The following HLTF variants were observed in gnomAD, a reference collection of about 807,000 sequenced individuals.
The protein encoded by HLTF is helicase like transcription factor, also known as DNA-dependent ATPase/E3 ubiquitin-protein ligase HLTF.
In HLTF, 127 loss-of-function variants were observed where a neutral mutation model predicts 129.4. The ratio of observed to expected loss-of-function variants is 0.98; its 90% CI spans 0.85 to 1.14. The LOEUF (loss-of-function observed/expected upper bound fraction) is 1.14, where lower values mean the gene tolerates loss of function less well. HLTF is among the 50% of genes most tolerant of loss of function. HLTF has a pLI of 0.00. For synonymous variants in HLTF, 332 were observed against 388.8 expected (o/e 0.85, Z 1.72); for missense variants, 1,139 against 1,187.1 (o/e 0.96, Z 0.60).
chr3:149,068,635 T>C (rs1319164110), intron 7 of HLTF, among the ~76,000 whole-genome samples: 1 of 152,206 alleles, frequency 6.6e-6, no homozygotes, highest in Non-Finnish European at 1.5e-5. Flanking sequence ...TCTTGATTTT[T>C]ATCATGCAAC....
At chr3:149,065,291 G>A (rs1166861586) in intron 8 of HLTF, among the ~76,000 whole-genome samples, 3 of 151,934 alleles carry the variant, frequency 2.0e-5, no homozygotes, top group Non-Finnish European at 4.4e-5. Flanking sequence ...GAATTTGCAG[G>A]GCAAATAACT....
At position 149,031,429 on chromosome 3, in the gene HLTF, T is replaced by C. The variant is rs1411046222; in HGVS notation, c.*791A>G. The stretch of plus-strand genomic sequence containing the variant: ...TACATAAATAAAAATTATCTATTTA[T>C]AGAAATATCTATTTAGCAGTTCCAT... On this transcript the variant is annotated 3_prime_UTR_variant, in exon 25 of 25. Transcript: ENST00000310053. 6.6e-6 allele frequency: 1 copy of C among 152,618 alleles called. No individual in the cohort carries two copies. The highest frequency in any genetic ancestry group is 1.5e-5 in the Non-Finnish European group (1 of 68,018). The allele number at this position is 152,618 out of a possible 1,614,324, so 9.5% of individuals were successfully genotyped here.
chr3:149,084,983 G>A, intron 1 of HLTF, 94 bp from the exon 2 acceptor site: 1 of 831,468 alleles, frequency 1.2e-6, no homozygotes, highest in Non-Finnish European at 1.9e-6. Flanking sequence ...TTCAGCAAAT[G>A]AAATCTTACA....
At chr3:149,035,194 T>C in intron 23 of HLTF, among the ~76,000 whole-genome samples, 196 bp from the exon 24 acceptor site, 1 of 152,124 alleles carries the variant, frequency 6.6e-6, no homozygotes, top group Non-Finnish European at 1.5e-5. Context: ...ATCCTCCCCC[T>C]ACTACTACTT....
chr3:149,049,951 C>A (rs1047822291), intron 15 of HLTF, among the ~76,000 whole-genome samples: 4 of 151,172 alleles, frequency 2.6e-5, no homozygotes, highest in Non-Finnish European at 4.4e-5. Context: ...GAGATCACAC[C>A]ATTATATTCC....
At chr3:149,054,000 A>C (rs1231363307) in intron 14 of HLTF, among the ~76,000 whole-genome samples, 1 of 152,214 alleles carries the variant, frequency 6.6e-6, no homozygotes, top group Non-Finnish European at 1.5e-5. Flanking sequence ...TAAGAGGAAA[A>C]ATGATACACT....
intron 14 of HLTF, among the ~76,000 whole-genome samples, chr3:149,050,893 G>A (rs1716924483): frequency 6.6e-6 from 1 of 151,986 alleles, no homozygotes; most frequent in South Asian, 2.1e-4. Flanking sequence ...CTTTCTTGAG[G>A]ACATGATCAG....
chr3:149,036,893 C>T (rs976605402), intron 23 of HLTF, among the ~76,000 whole-genome samples: 1 of 152,210 alleles, frequency 6.6e-6, no homozygotes, highest in African/African-American at 2.4e-5. Flanking sequence ...GAACACTCAA[C>T]TTACTATAAA....
chr3:149,074,588 T>A (rs924464609), intron 3 of HLTF, among the ~76,000 whole-genome samples: 2 of 152,124 alleles, frequency 1.3e-5, no homozygotes, highest in African/African-American at 4.8e-5. Context: ...AAAGCAGTTT[T>A]AAAAATGCAA....
At position 149,032,083 on chromosome 3, in the gene HLTF, G is replaced by T; in HGVS notation, c.*137C>A. On this transcript the variant is annotated 3_prime_UTR_variant, in exon 25 of 25. Transcript: ENST00000310053. ...TTCATATATAGAAGAAATTGTGTCA[G>T]TAATACCTCTTCACTAATATAAAAT... 1.8e-6 allele frequency: 1 copy of T among 568,706 alleles called. No individual in the cohort carries two copies. Among genetic ancestry groups the T allele is most frequent in the Non-Finnish European group, 2.9e-6 (1 of 348,858 alleles). 35.2% of individuals were successfully genotyped at this position (568,706 alleles called of 1,614,324 possible).
chr3:149,042,947 C>G (rs1279774303), intron 18 of HLTF, among the ~76,000 whole-genome samples: 2 of 151,882 alleles, frequency 1.3e-5, no homozygotes, highest in African/African-American at 4.8e-5. Context: ...TCAAGATATT[C>G]AAATATAAGT....
chr3:149,059,868 G>GAGA, intron 12 of HLTF, 61 bp from the exon 13 acceptor site: 3 of 978,610 alleles, frequency 3.1e-6, no homozygotes, highest in Non-Finnish European at 4.8e-6. Flanking sequence ...TAGAGTACAG[G>GAGA]TACTTTCTAA....
intron 2 of HLTF, among the ~76,000 whole-genome samples, chr3:149,082,416 G>A (rs955248210): frequency 1.3e-5 from 2 of 152,092 alleles, no homozygotes; most frequent in Admixed American, 1.3e-4. Context: ...CCGAGATCCC[G>A]CCACTGCGCT....
intron 9 of HLTF, 88 bp downstream of exon 9, chr3:149,064,703 G>T: frequency 1.2e-6 from 1 of 848,944 alleles, no homozygotes; most frequent in Non-Finnish European, 2.0e-6. Context: ...ACAATATTAG[G>T]CTGAAAAAAC....
At chr3:149,041,067 G>GT (rs1287715338) in intron 20 of HLTF, among the ~76,000 whole-genome samples, 2 of 152,122 alleles carry the variant, frequency 1.3e-5, no homozygotes, top group Non-Finnish European at 2.9e-5. Flanking sequence ...GAGGTGTGCT[G>GT]TAAGTATACA....
In HLTF at chr3:149,085,382, G is replaced by A. The variant is rs530321985; in HGVS notation, c.21-493C>T. Among the ~76,000 whole-genome samples, 9 of 152,172 alleles carry A rather than the reference G, an allele frequency of 5.9e-5. 1 individual carries two copies. Among genetic ancestry groups the A allele is most frequent in the African/African-American group, 2.2e-4 (9 of 41,506 alleles). ...CGCCCATATGTAATCCCAGCTACTCGGGAGGCTGAGGCAGGAGAATCACTT... is the reference window on the plus strand; with the variant it reads ...CGCCCATATGTAATCCCAGCTACTCAGGAGGCTGAGGCAGGAGAATCACTT... On this transcript the variant is annotated intron_variant, in intron 1 of 24. Coordinates refer to ENST00000310053, the MANE Select transcript of HLTF (RefSeq NM_003071.4).
At chr3:149,042,659 T>G (rs932048339) in intron 18 of HLTF, among the ~76,000 whole-genome samples, 2 of 151,964 alleles carry the variant, frequency 1.3e-5, no homozygotes, top group Non-Finnish European at 1.5e-5. Context: ...TGAGCTTCCA[T>G]GGAGAAATTT....
intron 19 of HLTF, 23 bp downstream of exon 19, chr3:149,042,143 A>ATGAAT (rs1716181370): frequency 5.0e-6 from 8 of 1,606,362 alleles, no homozygotes; most frequent in Non-Finnish European, 6.8e-6. Flanking sequence ...ATACAATGAT[A>ATGAAT]TGAAGCAATC....
intron 2 of HLTF, among the ~76,000 whole-genome samples, chr3:149,082,960 T>G (rs898720586): frequency 6.6e-6 from 1 of 152,100 alleles, no homozygotes; most frequent in Admixed American, 6.6e-5. Flanking sequence ...CATTTAAAAA[T>G]AATGAACGTG....
Sources: gnomAD v4.1 joint callset for allele counts (sites outside exome capture counted in the v4.1 genomes callset) on GRCh38, gnomAD v4.1.1 for gene constraint, MANE v1.5 for transcripts, NCBI Gene and HGNC (gene_info 2026-07-23, HGNC 2026-07-21) for gene names.